PACSIN1: variants seen among roughly 807,000 people sequenced by gnomAD.
The protein encoded by PACSIN1 is protein kinase C and casein kinase substrate in neurons 1, also known as protein kinase C and casein kinase substrate in neurons protein 1.
PACSIN1 carries 15 observed loss-of-function variants against 59.5 expected under a neutral mutation model. That is an observed-to-expected ratio of 0.25 (90% CI 0.17 to 0.39). PACSIN1 has a LOEUF of 0.39. Ranked by LOEUF, PACSIN1 falls within the 10% of genes least tolerant of loss-of-function variation. The pLI is 1.00. For synonymous variants in PACSIN1, 210 were observed against 220.6 expected, an observed-to-expected ratio of 0.95 and a Z score of 0.42; for missense variants, 420 against 580.2, an observed-to-expected ratio of 0.72 and a Z score of 2.84.
chr6:34,499,192 G>T (rs1161128029), intron 1 of PACSIN1, among the ~76,000 whole-genome samples: 1 of 151,934 alleles, frequency 6.6e-6, no homozygotes, highest in Non-Finnish European at 1.5e-5. Flanking sequence ...TTCTCATAAG[G>T]AGTGTGCAAC....
chr6:34,493,537 A>C (rs949733948), intron 1 of PACSIN1, among the ~76,000 whole-genome samples: 2 of 152,186 alleles, frequency 1.3e-5, no homozygotes, highest in Non-Finnish European at 2.9e-5. Flanking sequence ...GCAGTGTTTG[A>C]GAGTTGTGAT....
At chr6:34,498,003 C>T (rs1258725441) in intron 1 of PACSIN1, among the ~76,000 whole-genome samples, 1 of 152,192 alleles carries the variant, frequency 6.6e-6, no homozygotes, top group East Asian at 1.9e-4. Flanking sequence ...CTGTGCCCCA[C>T]CACAGAGATT....
rs756142625 is a variant in PACSIN1 at position 34,516,413 on chromosome 6, T to G, written c.-63-9830T>G. Among the ~76,000 whole-genome samples, 1 of 152,172 alleles carries G rather than the reference T, an allele frequency of 6.6e-6. No individual in the cohort carries two copies. The highest frequency in any genetic ancestry group is 2.4e-5 in the African/African-American group (1 of 41,446). On this transcript the variant is annotated intron_variant, in intron 1 of 9. Coordinates refer to ENST00000244458, the MANE Select transcript of PACSIN1 (RefSeq NM_020804.5). The surrounding 1 kb of genome is among the most constrained non-coding windows in gnomAD (Gnocchi z 5.4). ...GGGGATGGCAGAAACGGGATGCAGATTCGCCTGTGCGCACTGACACTGCCT... is the reference window on the plus strand; with the variant it reads ...GGGGATGGCAGAAACGGGATGCAGAGTCGCCTGTGCGCACTGACACTGCCT...
At position 34,516,678 on chromosome 6, in the gene PACSIN1, G is replaced by C. The variant is rs988305170; in HGVS notation, c.-63-9565G>C. Among the ~76,000 whole-genome samples, 3 of 152,210 alleles carry C rather than the reference G, an allele frequency of 2.0e-5. No individual in the cohort carries two copies. The highest frequency in any genetic ancestry group is 4.4e-5 in the Non-Finnish European group (3 of 68,026). Reference sequence around the variant, plus strand: ...GGCCTGGCCCCGACCTCCAGCCCCTGGCCTGCCTCCTCTAGGCCCGGGCCC... The same window carrying C: ...GGCCTGGCCCCGACCTCCAGCCCCTCGCCTGCCTCCTCTAGGCCCGGGCCC... On this transcript the variant is annotated intron_variant, in intron 1 of 9. Coordinates refer to ENST00000244458, the MANE Select transcript of PACSIN1 (RefSeq NM_020804.5). The surrounding 1 kb of genome is among the most constrained non-coding windows in gnomAD (Gnocchi z 5.4).
At position 34,532,051 on chromosome 6, in the gene PACSIN1, G is replaced by A. The variant is rs1326705805; in HGVS notation, c.1225+264G>A. The stretch of plus-strand genomic sequence containing the variant: ...AAGACGGGTTGCGAGGATTTGCAGG[G>A]AACTAAATGGGGCGTGGCCTGGGTT... On this transcript the variant is annotated intron_variant, in intron 9 of 9. Coordinates refer to ENST00000244458, the MANE Select transcript of PACSIN1 (RefSeq NM_020804.5). This position sits in a 1 kb window ranked among gnomAD's most constrained non-coding sequence, Gnocchi z 5.2. 6.6e-6 allele frequency among the ~76,000 whole-genome samples: 1 copy of A among 152,164 alleles called. No individual in the cohort carries two copies. Among genetic ancestry groups the A allele is most frequent in the Non-Finnish European group, 1.5e-5 (1 of 68,016 alleles).
intron 1 of PACSIN1, among the ~76,000 whole-genome samples, chr6:34,490,071 TTG>T (rs1491411520): frequency 6.9e-6 from 1 of 144,310 alleles, no homozygotes; most frequent in Admixed American, 6.9e-5. Flanking sequence ...ATGTTCTCTC[TTG>T]TTTTTTTTTT....
At chr6:34,492,195 C>CTTTTTTTT (rs55745060) in intron 1 of PACSIN1, among the ~76,000 whole-genome samples, 3 of 80,182 alleles carry the variant, frequency 3.7e-5, no homozygotes, top group African/African-American at 4.7e-5. Context: ...CTTTTTTGAC[C>CTTTTTTTT]TTTTTTTTTT....
chr6:34,471,020 A>G (rs748000048), intron 1 of PACSIN1, among the ~76,000 whole-genome samples: 6 of 152,116 alleles, frequency 3.9e-5, no homozygotes. Context: ...ATCTAGGCTC[A>G]CTGCAACCTC....
In PACSIN1 at chr6:34,516,207, C is replaced by T. The variant is rs560326640; in HGVS notation, c.-63-10036C>T. On this transcript the variant is annotated intron_variant, in intron 1 of 9. Coordinates refer to ENST00000244458, the MANE Select transcript of PACSIN1 (RefSeq NM_020804.5). The surrounding 1 kb of genome is among the most constrained non-coding windows in gnomAD (Gnocchi z 5.4). ...GGGGTGTCCCCTTCCCATGGGCACT[C>T]GGGTCAGAGGGCCTGGTGCAGGGGC... Among the ~76,000 whole-genome samples, 3 of 152,210 alleles carry T rather than the reference C, an allele frequency of 2.0e-5. No individual in the cohort carries two copies. Among genetic ancestry groups the T allele is most frequent in the African/African-American group, 2.4e-5 (1 of 41,542 alleles).
chr6:34,507,501 G>C (rs1413900698), intron 1 of PACSIN1, among the ~76,000 whole-genome samples: 1 of 151,734 alleles, frequency 6.6e-6, no homozygotes, highest in African/African-American at 2.4e-5. Flanking sequence ...GCTCTTTTAA[G>C]TTTGGCTTCT....
chr6:34,522,879 A>T (rs1265133558), intron 1 of PACSIN1, among the ~76,000 whole-genome samples: 5 of 151,956 alleles, frequency 3.3e-5, no homozygotes, highest in Admixed American at 6.5e-5. Context: ...GAGAGCAAGA[A>T]CTCACCTTTC....
rs550048430 is a variant in PACSIN1 at position 34,493,341 on chromosome 6, G to A, written c.-64+27071G>A. Among the ~76,000 whole-genome samples, 3 of 152,300 alleles carry A rather than the reference G, an allele frequency of 2.0e-5. No homozygotes were observed. In the East Asian group the frequency reaches 5.8e-4, roughly 29 times the overall value. On this transcript the variant is annotated intron_variant, in intron 1 of 9. Coordinates refer to ENST00000244458, the MANE Select transcript of PACSIN1 (RefSeq NM_020804.5). ...CTATTGGTGGACACGTAGGTTGTTTGGGGGCTACTATGAATATGGTTGCTG... is the reference window on the plus strand; with the variant it reads ...CTATTGGTGGACACGTAGGTTGTTTAGGGGCTACTATGAATATGGTTGCTG...
At chr6:34,522,448 G>C (rs868263438) in intron 1 of PACSIN1, among the ~76,000 whole-genome samples, 1 of 152,166 alleles carries the variant, frequency 6.6e-6, no homozygotes, top group African/African-American at 2.4e-5. Context: ...AGGAGTGTGC[G>C]CTCTGGATCC....
At chr6:34,524,589 T>G (rs1767452062) in intron 1 of PACSIN1, among the ~76,000 whole-genome samples, 1 of 152,194 alleles carries the variant, frequency 6.6e-6, no homozygotes, top group African/African-American at 2.4e-5. Flanking sequence ...GGAGCAGAAC[T>G]TCCAAGACAG....
chr6:34,492,413 C>T (rs575619246), intron 1 of PACSIN1, among the ~76,000 whole-genome samples: 22 of 150,136 alleles, frequency 1.5e-4, no homozygotes, highest in Admixed American at 4.0e-4. Context: ...GACAGAGTTT[C>T]GCTCTTGTTG....
intron 1 of PACSIN1, among the ~76,000 whole-genome samples, chr6:34,490,428 C>T (rs1342525259): frequency 6.6e-6 from 1 of 151,998 alleles, no homozygotes; most frequent in Non-Finnish European, 1.5e-5. Context: ...TCTGGCTTGC[C>T]CTGGGACACA....
chr6:34,520,129 G>C (rs956728452), intron 1 of PACSIN1, among the ~76,000 whole-genome samples: 3 of 152,062 alleles, frequency 2.0e-5, no homozygotes, highest in African/African-American at 7.3e-5. Context: ...CTGGGTTGTG[G>C]GGAGACATGA....
At chr6:34,473,097 G>T (rs141478833) in intron 1 of PACSIN1, among the ~76,000 whole-genome samples, 456 of 152,170 alleles carry the variant, frequency 3.0e-3, no homozygotes, top group African/African-American at 0.01. Flanking sequence ...AGCACCTGTC[G>T]TCGAGGAATG....
chr6:34,477,222 T>C (rs984072458), intron 1 of PACSIN1, among the ~76,000 whole-genome samples: 2 of 151,946 alleles, frequency 1.3e-5, no homozygotes, highest in Non-Finnish European at 2.9e-5. Context: ...CGGGCATGGT[T>C]GCTCATGCCT....
Sources: allele counts gnomAD v4.1 joint callset (sites outside exome capture counted in the v4.1 genomes callset), GRCh38; gene constraint gnomAD v4.1.1; non-coding constraint Gnocchi (gnomAD v3.1); transcripts MANE v1.5; gene names NCBI Gene and HGNC (gene_info 2026-07-23, HGNC 2026-07-21).